Variants in PDZD8 observed in about 807,000 individuals in gnomAD.
PDZD8 encodes the protein PDZ domain containing 8.
In PDZD8, 14 loss-of-function variants were observed where a neutral mutation model predicts 85.8. The ratio of observed to expected loss-of-function variants is 0.16; its 90% CI spans 0.11 to 0.26. The LOEUF (loss-of-function observed/expected upper bound fraction) is 0.26. PDZD8 is among the 10% of genes least tolerant of loss of function. The pLI is 1.00. For synonymous variants in PDZD8, 592 were observed against 568.6 expected, an observed-to-expected ratio of 1.04 and a Z score of -0.59; for missense variants, 1,197 against 1,424.3, an observed-to-expected ratio of 0.84 and a Z score of 2.57.
At chr10:117,347,367 T>C (rs899467283) in intron 1 of PDZD8, among the ~76,000 whole-genome samples, 16 of 152,184 alleles carry the variant, frequency 1.1e-4, no homozygotes. Context: ...TTAGATAAAC[T>C]CAACCATCAA....
At chr10:117,305,210 C>T (rs1040401914) in intron 3 of PDZD8, among the ~76,000 whole-genome samples, 4 of 151,946 alleles carry the variant, frequency 2.6e-5, no homozygotes, top group African/African-American at 7.3e-5. Context: ...GTCAGAAGTT[C>T]GAAACCAGCC....
In PDZD8 at chr10:117,374,356, C is replaced by T; in HGVS notation, c.872G>A (p.Arg291Lys). 6.2e-7 allele frequency: 1 copy of T among 1,613,164 alleles called. No individual in the cohort carries two copies. Among genetic ancestry groups the T allele is most frequent in the Non-Finnish European group, 8.5e-7 (1 of 1,179,148 alleles). Residue 291 changes from arginine to lysine, a missense_variant and splice_region_variant, in exon 1 of 5, where the codon AGG (arginine) becomes AAG (lysine). Arg to Lys is a conservative substitution (Grantham distance 26, BLOSUM62 2). Coordinates refer to ENST00000334464, the MANE Select transcript of PDZD8 (RefSeq NM_173791.5). This position sits in a 1 kb window ranked among gnomAD's most constrained non-coding sequence, Gnocchi z 7.8. The part of the protein sequence containing the change: ...RKHTLPNYKI[R>K]FKPFFPYQTL... ...GCCCCCTCCCCGACCTCCAGCTCAC[C>T]TGATCTTGTAATTCGGTAGGGTGTG... is the stretch of plus-strand genomic sequence containing the variant.
rs567455762 is a variant in PDZD8 at position 117,285,026 on chromosome 10, A to G, written c.1707T>C (p.Thr569=). ...KDGNKPPPLK[T]SEITDPAQVS... is the part of the protein sequence containing the mutation. ...CTTGTGCTGGGTCTGTTATCTCAGA[A>G]GTTTTTAGGGGTGGAGGTTTATTTC... Residue 569 remains threonine (T), a synonymous_variant, in exon 5 of 5, where the codon ACT becomes ACC. Transcript: ENST00000334464. 3 of 1,613,958 alleles carry G rather than the reference A, an allele frequency of 1.9e-6. No individual in the cohort carries two copies. Among genetic ancestry groups the G allele is most frequent in the South Asian group, 1.1e-5 (1 of 91,070 alleles).
chr10:117,326,352 T>C (rs1844316005), intron 2 of PDZD8, among the ~76,000 whole-genome samples: 1 of 152,188 alleles, frequency 6.6e-6, no homozygotes, highest in Non-Finnish European at 1.5e-5. Context: ...AATCACCCTA[T>C]GCCATAACCA....
chr10:117,339,635 C>T (rs761803912), intron 2 of PDZD8, among the ~76,000 whole-genome samples: 6 of 152,134 alleles, frequency 3.9e-5, no homozygotes, highest in Non-Finnish European at 8.8e-5. Context: ...AATTCATATA[C>T]AAAGTTTTAC....
chr10:117,315,468 G>A (rs1037049642), intron 3 of PDZD8, among the ~76,000 whole-genome samples: 2 of 151,280 alleles, frequency 1.3e-5, no homozygotes, highest in South Asian at 4.2e-4. Flanking sequence ...AGTGGTGCAC[G>A]CCTGTAGTCC....
At chr10:117,325,160 C>T (rs553705883) in intron 2 of PDZD8, among the ~76,000 whole-genome samples, 14 of 152,144 alleles carry the variant, frequency 9.2e-5, no homozygotes, top group African/African-American at 3.4e-4. Flanking sequence ...AAAAACTGGC[C>T]TGGTACCTTG....
At chr10:117,326,456 A>C (rs1844317537) in intron 2 of PDZD8, among the ~76,000 whole-genome samples, 1 of 152,218 alleles carries the variant, frequency 6.6e-6, no homozygotes, top group African/African-American at 2.4e-5. Flanking sequence ...CCTCATCATA[A>C]TGAGACTCTC....
chr10:117,285,442 A>G lies in PDZD8; in HGVS notation c.1291T>C (p.Leu431=). Residue 431 remains leucine, a synonymous_variant, in exon 5 of 5, where the codon TTG becomes CTG. Coordinates refer to ENST00000334464, the MANE Select transcript of PDZD8 (RefSeq NM_173791.5). ...TCACCAGCCTGCTTGATAAGCTTCA[A>G]CACTTGCAGTGTTGATGTGATTTTC... ...GVKITSTLQV[L]KLIKQAGDRV... The G allele has an allele frequency of 6.2e-7, 1 of 1,607,700 alleles. No homozygotes were observed. The highest frequency in any genetic ancestry group is 8.5e-7 in the Non-Finnish European group (1 of 1,175,158).
intron 3 of PDZD8, among the ~76,000 whole-genome samples, chr10:117,302,026 A>C (rs1350285735): frequency 6.6e-6 from 1 of 152,214 alleles, no homozygotes; most frequent in Non-Finnish European, 1.5e-5. Flanking sequence ...TATAATTCTG[A>C]AAAGTTAATA....
rs1290958927 is a variant in PDZD8 at position 117,375,138 on chromosome 10, C to A, written c.90G>T (p.Gln30His). The change falls in exon 1 of 5, where the codon CAG (glutamine) becomes CAT (histidine). Residue 30 changes from glutamine (Q) to histidine (H), a missense_variant. Coordinates refer to ENST00000334464, the MANE Select transcript of PDZD8 (RefSeq NM_173791.5). ...CGGCCTCGTCCGCCGGCGGCTCGGG[C>A]TGTCTGCGGTACAGCAGGAAGAACT... ...LAQFFLLYRR[Q>H]PEPPADEAAR... 17 of 1,590,240 alleles carry A rather than the reference C, an allele frequency of 1.1e-5. No individual in the cohort carries two copies. The highest frequency in any genetic ancestry group is 1.4e-5 in the Non-Finnish European group (17 of 1,174,506).
intron 3 of PDZD8, among the ~76,000 whole-genome samples, chr10:117,315,410 CA>C (rs1439239502): frequency 6.6e-6 from 1 of 151,754 alleles, no homozygotes; most frequent in Non-Finnish European, 1.5e-5. Flanking sequence ...GCCTGGCCAA[CA>C]TGGTGAAACC....
Position 117,281,040 on chromosome 10 carries a change from G to C in PDZD8, c.*2228C>G, listed in dbSNP as rs1425158999. The C allele has an allele frequency of 6.6e-6, 1 of 152,164 alleles. No individual in the cohort carries two copies. The highest frequency in any genetic ancestry group is 1.9e-4 in the East Asian group (1 of 5,198). The allele number at this position is 152,164 out of a possible 1,614,324, so 9.4% of individuals were successfully genotyped here. Reference sequence around the variant, plus strand: ...AATACTTTAGCTTTCAGGGAATTTGGTGTGTAAATTCTTCTATAGCAGTGT... The same window carrying C: ...AATACTTTAGCTTTCAGGGAATTTGCTGTGTAAATTCTTCTATAGCAGTGT... On this transcript the variant is annotated 3_prime_UTR_variant, in exon 5 of 5. Coordinates refer to ENST00000334464, the MANE Select transcript of PDZD8 (RefSeq NM_173791.5).
intron 2 of PDZD8, among the ~76,000 whole-genome samples, chr10:117,337,444 A>T (rs1589575770): frequency 1.3e-5 from 2 of 152,230 alleles, no homozygotes; most frequent in Admixed American, 6.5e-5. Flanking sequence ...ACTGCTTTTT[A>T]AAAAATACTT....
chr10:117,360,544 CCTT>C (rs1432077383), intron 1 of PDZD8, among the ~76,000 whole-genome samples: 1 of 151,950 alleles, frequency 6.6e-6, no homozygotes, highest in Non-Finnish European at 1.5e-5. Context: ...TGATATATGT[CCTT>C]GATTCTCACA....
intron 3 of PDZD8, among the ~76,000 whole-genome samples, chr10:117,294,327 CAAAAAAAA>C (rs71013656): frequency 7.0e-6 from 1 of 142,548 alleles, no homozygotes; most frequent in African/African-American, 2.7e-5. Flanking sequence ...ACCAAAAAGA[CAAAAAAAA>C]AAAAAAAAAA....
chr10:117,302,053 C>T (rs1843856881), intron 3 of PDZD8, among the ~76,000 whole-genome samples: 1 of 152,240 alleles, frequency 6.6e-6, no homozygotes, highest in Admixed American at 6.5e-5. Flanking sequence ...TTTCTAGGTT[C>T]TAGAACAAAA....
intron 3 of PDZD8, among the ~76,000 whole-genome samples, chr10:117,309,241 A>T (rs185946567): frequency 1.3e-5 from 2 of 152,164 alleles, no homozygotes; most frequent in Admixed American, 6.6e-5. Context: ...ACTTGCTCTT[A>T]AAAAAATTTA....
intron 2 of PDZD8, 132 bp downstream of exon 2, chr10:117,340,848 T>C: frequency 1.8e-6 from 2 of 1,081,218 alleles, no homozygotes; most frequent in Non-Finnish European, 2.6e-6. Flanking sequence ...TTTTATGATA[T>C]TAAATTTACA....
Sources: gnomAD v4.1 joint callset for allele counts (sites outside exome capture counted in the v4.1 genomes callset) on GRCh38, gnomAD v4.1.1 for gene constraint, Gnocchi (gnomAD v3.1) non-coding constraint, MANE v1.5 for transcripts, NCBI Gene and HGNC (gene_info 2026-07-23, HGNC 2026-07-21) for gene names.